Variants in CCDC102B observed in about 807,000 individuals in gnomAD.
CCDC102B encodes coiled-coil domain-containing protein 102B.
A neutral mutation model predicts 57.4 loss-of-function variants in CCDC102B; 75 were observed. That is an observed-to-expected ratio of 1.31 (90% confidence interval 1.08 to 1.58). CCDC102B has a LOEUF of 1.58. Among genes scored for constraint, CCDC102B ranks in the 40% most tolerant of loss-of-function variants. The pLI is 0.00. For missense variants in CCDC102B, 636 were observed against 582.6 expected, an observed-to-expected ratio of 1.09 and a Z score of -0.94; for synonymous variants, 206 against 201.9, an observed-to-expected ratio of 1.02 and a Z score of -0.17.
intron 2 of CCDC102B, among the ~76,000 whole-genome samples, chr18:68,731,231 G>A (rs958127705): frequency 3.3e-5 from 5 of 152,038 alleles, no homozygotes; most frequent in Middle Eastern, 3.2e-3. Context: ...TGATCTGCCC[G>A]CCTCGGCCTC....
intron 2 of CCDC102B, among the ~76,000 whole-genome samples, chr18:68,733,520 A>G (rs2032993342): frequency 7.2e-6 from 1 of 138,720 alleles, no homozygotes; most frequent in East Asian, 2.0e-4. Context: ...TTTTAACTTA[A>G]GCATGCTTTA....
At position 69,040,564 on chromosome 18, in the gene CCDC102B, T is replaced by C. The variant is rs949944673; in HGVS notation, c.1435-13466T>C. ...TATTGAGATTTTTCATTAACTATCCTCTAGAGATTTGACAGAAATTCTTGA... is the reference window on the plus strand; with the variant it reads ...TATTGAGATTTTTCATTAACTATCCCCTAGAGATTTGACAGAAATTCTTGA... On this transcript the variant is annotated intron_variant, in intron 7 of 7. Coordinates refer to ENST00000360242, the MANE Select transcript of CCDC102B (RefSeq NM_024781.3). Among the ~76,000 whole-genome samples, 7 of 151,892 alleles carry C rather than the reference T, an allele frequency of 4.6e-5. No homozygotes were observed. The Admixed American group carries it at 4.6e-4, about 10-fold the overall frequency.
intron 2 of CCDC102B, among the ~76,000 whole-genome samples, chr18:68,790,802 G>A (rs956482141): frequency 1.3e-5 from 2 of 152,184 alleles, no homozygotes; most frequent in East Asian, 3.9e-4. Flanking sequence ...CGTCGCTCAC[G>A]CTGGGAGCTG....
chr18:68,874,202 GTGTGTGTGTGTATA>G lies in CCDC102B; in HGVS notation c.937-465_937-452del, dbSNP rs1184684772. On this transcript the variant is annotated intron_variant, in intron 4 of 7. Transcript: ENST00000360242. ...TGTGTGTGTGTGTGTGTGTGTGTGT[GTGTGTGTGTGTATA>G]TATATATACTTTATTTCCATTGCCC... Among the ~76,000 whole-genome samples, 35 of 118,272 alleles carry G rather than the reference GTGTGTGTGTGTATA, an allele frequency of 3.0e-4. 1 individual carries two copies. Among genetic ancestry groups the G allele is most frequent in the African/African-American group, 1.0e-3 (27 of 25,766 alleles). 77.6% of individuals were successfully genotyped at this position (118,272 alleles called of 152,430 possible).
At chr18:68,866,767 C>G in intron 4 of CCDC102B, 1 of 658,502 alleles carries the variant, frequency 1.5e-6, no homozygotes, top group Non-Finnish European at 2.9e-6. Flanking sequence ...ACGGGTCTGT[C>G]TTTTTGGTAT....
chr18:68,851,203 G>A (rs2038108238), intron 4 of CCDC102B, among the ~76,000 whole-genome samples: 1 of 152,178 alleles, frequency 6.6e-6, no homozygotes, highest in African/African-American at 2.4e-5. Context: ...CTATGGTATA[G>A]TGTAAGGTGA....
chr18:68,963,823 G>A (rs963210246), intron 6 of CCDC102B, among the ~76,000 whole-genome samples: 6 of 151,764 alleles, frequency 4.0e-5, no homozygotes, highest in Non-Finnish European at 8.8e-5. Context: ...ATGTATGTAT[G>A]TATGTATGCA....
intron 5 of CCDC102B, among the ~76,000 whole-genome samples, chr18:68,892,296 T>C (rs549490234): frequency 1.1e-4 from 16 of 152,286 alleles, no homozygotes; most frequent in African/African-American, 3.8e-4. Context: ...ATTACATTTC[T>C]GATAGTAGCT....
At chr18:68,736,887 T>C (rs1295717545) in intron 2 of CCDC102B, among the ~76,000 whole-genome samples, 1 of 152,042 alleles carries the variant, frequency 6.6e-6, no homozygotes, top group East Asian at 1.9e-4. Context: ...TTATGTTCTT[T>C]TTTATACTAA....
intron 6 of CCDC102B, among the ~76,000 whole-genome samples, chr18:68,928,935 G>C (rs992862869): frequency 7.9e-5 from 12 of 151,826 alleles, no homozygotes; most frequent in Admixed American, 7.2e-4. Context: ...AGGGTGGAAA[G>C]CTGGAGAGCA....
intron 6 of CCDC102B, among the ~76,000 whole-genome samples, chr18:68,909,995 A>C (rs2040781663): frequency 6.6e-6 from 1 of 152,206 alleles, no homozygotes; most frequent in Non-Finnish European, 1.5e-5. Flanking sequence ...GAAATGGTTT[A>C]TAAAAGAGAT....
intron 2 of CCDC102B, among the ~76,000 whole-genome samples, chr18:68,720,318 G>T (rs1303545892): frequency 2.0e-5 from 3 of 152,134 alleles, no homozygotes; most frequent in African/African-American, 7.2e-5. Context: ...GAATTTTCAG[G>T]TGGTTTTTAC....
chr18:68,732,239 A>G (rs576308851), intron 2 of CCDC102B, among the ~76,000 whole-genome samples: 1 of 151,996 alleles, frequency 6.6e-6, no homozygotes, highest in African/African-American at 2.4e-5. Context: ...AATTATTTCT[A>G]GTATTTCTAT....
chr18:69,023,578 G>A (rs1352314728), intron 7 of CCDC102B, among the ~76,000 whole-genome samples: 1 of 151,680 alleles, frequency 6.6e-6, no homozygotes, highest in African/African-American at 2.4e-5. Context: ...ATATAATTAT[G>A]TTCTTATCAC....
chr18:68,813,871 A>G (rs2036372950), intron 1 of CCDC102B, among the ~76,000 whole-genome samples: 1 of 151,692 alleles, frequency 6.6e-6, no homozygotes, highest in Non-Finnish European at 1.5e-5. Flanking sequence ...GAACGATGTG[A>G]TAGTATTTGG....
At chr18:68,804,067 C>G (rs758260476) in intron 1 of CCDC102B, among the ~76,000 whole-genome samples, 11 of 152,208 alleles carry the variant, frequency 7.2e-5, no homozygotes, top group Non-Finnish European at 1.5e-4. Flanking sequence ...AGGCAAGAGA[C>G]AGGGTGGTTT....
intron 6 of CCDC102B, among the ~76,000 whole-genome samples, chr18:68,952,799 T>G (rs2049735149): frequency 6.6e-6 from 1 of 152,194 alleles, no homozygotes; most frequent in African/African-American, 2.4e-5. Context: ...TACACATTGT[T>G]GGGATGCTAA....
intron 4 of CCDC102B, among the ~76,000 whole-genome samples, chr18:68,868,969 T>C (rs1446486866): frequency 2.6e-5 from 4 of 152,016 alleles, no homozygotes; most frequent in African/African-American, 9.7e-5. Flanking sequence ...GTGACAATGA[T>C]TGATGATTAA....
intron 6 of CCDC102B, among the ~76,000 whole-genome samples, chr18:68,975,366 T>C (rs2050407127): frequency 6.6e-6 from 1 of 152,094 alleles, no homozygotes; most frequent in Non-Finnish European, 1.5e-5. Flanking sequence ...AATGAAATTA[T>C]AGAGCAATTT....
Sources: allele counts gnomAD v4.1 joint callset (sites outside exome capture counted in the v4.1 genomes callset), GRCh38; gene constraint gnomAD v4.1.1; transcripts MANE v1.5; gene names NCBI Gene and HGNC (gene_info 2026-07-23, HGNC 2026-07-21).